NNT: variants seen among roughly 807,000 people sequenced by gnomAD.
The protein encoded by NNT is NAD(P) transhydrogenase, mitochondrial.
NNT carries 50 observed loss-of-function variants against 104.8 expected under a neutral mutation model. The observed-to-expected ratio is 0.48, with a 90% CI of 0.38 to 0.60. NNT has a LOEUF of 0.60. Ranked by LOEUF, NNT falls within the 20% of genes least tolerant of loss-of-function variation. The pLI is 0.00. For synonymous variants in NNT, 461 were observed against 490.4 expected (o/e 0.94, Z 0.79); for missense variants, 1,131 against 1,330.7 (o/e 0.85, Z 2.33).
intron 17 of NNT, among the ~76,000 whole-genome samples, chr5:43,663,137 A>T (rs752356236): frequency 3.9e-5 from 6 of 152,136 alleles, no homozygotes; most frequent in Admixed American, 1.3e-4. Flanking sequence ...TTTAGCTCCT[A>T]GTATTATAGC....
intron 10 of NNT, among the ~76,000 whole-genome samples, 159 bp from the exon 11 acceptor site, chr5:43,648,988 C>T (rs1023595379): frequency 3.3e-5 from 5 of 152,118 alleles, no homozygotes; most frequent in Non-Finnish European, 5.9e-5. Flanking sequence ...CTCCATCCCC[C>T]CACTTCTCAA....
chr5:43,693,044 T>C (rs1042263463), intron 19 of NNT, among the ~76,000 whole-genome samples: 1 of 151,406 alleles, frequency 6.6e-6, no homozygotes, highest in Non-Finnish European at 1.5e-5. Context: ...CTTTATTTAT[T>C]TTTTTTTTCT....
intron 7 of NNT, among the ~76,000 whole-genome samples, chr5:43,630,155 G>C (rs1045314481): frequency 3.9e-5 from 6 of 152,118 alleles, no homozygotes; most frequent in Non-Finnish European, 7.4e-5. Context: ...TTTGTATAAG[G>C]TGAGGGGTGA....
At chr5:43,641,429 A>G (rs1751231578) in intron 7 of NNT, among the ~76,000 whole-genome samples, 2 of 152,208 alleles carry the variant, frequency 1.3e-5, no homozygotes, top group Middle Eastern at 3.4e-3. Flanking sequence ...AAAACGTTTA[A>G]TTTTAAAATT....
intron 6 of NNT, among the ~76,000 whole-genome samples, chr5:43,627,271 A>C (rs1750421494): frequency 6.6e-6 from 1 of 152,144 alleles, no homozygotes; most frequent in Admixed American, 6.5e-5. Flanking sequence ...TGTATGTCCT[A>C]CCCTTTATGC....
chr5:43,624,633 C>T (rs768035214), intron 6 of NNT, among the ~76,000 whole-genome samples: 3 of 152,074 alleles, frequency 2.0e-5, no homozygotes, highest in Admixed American at 6.6e-5. Flanking sequence ...AATTTTTGAG[C>T]CCCTGGGTGA....
At chr5:43,610,477 AT>A (rs1228150426) in intron 2 of NNT, among the ~76,000 whole-genome samples, 6 of 152,176 alleles carry the variant, frequency 3.9e-5, no homozygotes, top group Non-Finnish European at 8.8e-5. Context: ...CCAGCTAAAA[AT>A]GGCATTTTCT....
chr5:43,647,504 G>A (rs186302444), intron 10 of NNT, among the ~76,000 whole-genome samples: 1 of 152,106 alleles, frequency 6.6e-6, no homozygotes, highest in African/African-American at 2.4e-5. Flanking sequence ...TCTTTATCTT[G>A]AACTCCCTCT....
chr5:43,650,749 T>A (rs1037876015), intron 12 of NNT, among the ~76,000 whole-genome samples, 162 bp downstream of exon 12: 3 of 152,228 alleles, frequency 2.0e-5, no homozygotes, highest in African/African-American at 7.2e-5. Flanking sequence ...CATCTGTAAT[T>A]TTTAGAAACT....
At chr5:43,666,290 C>A (rs1049147896) in intron 17 of NNT, among the ~76,000 whole-genome samples, 7 of 151,998 alleles carry the variant, frequency 4.6e-5, no homozygotes, top group African/African-American at 1.7e-4. Flanking sequence ...CACTGCACTC[C>A]AGCCTGGGCA....
At chr5:43,667,056 G>T in intron 17 of NNT, 5 of 1,596,276 alleles carry the variant, frequency 3.1e-6, no homozygotes, top group Non-Finnish European at 4.2e-6. Context: ...TGGCATTGTT[G>T]GCCTGCATCT....
chr5:43,616,162 T>C, intron 4 of NNT, 97 bp downstream of exon 4: 1 of 1,037,168 alleles, frequency 9.6e-7, no homozygotes, highest in Non-Finnish European at 1.4e-6. Flanking sequence ...TTATTTGTAA[T>C]TATTGTTGGA....
intron 20 of NNT, 126 bp from the exon 21 acceptor site, chr5:43,702,495 G>C (rs1561336132): frequency 1.7e-6 from 1 of 581,652 alleles, no homozygotes; most frequent in Non-Finnish European, 2.8e-6. Context: ...AAAGTGCCTG[G>C]CACAAGTGCG....
chr5:43,602,842 G>A (rs1209444962), upstream of NNT: 1 of 152,424 alleles, frequency 6.6e-6, no homozygotes, highest in East Asian at 1.9e-4. Flanking sequence ...TCTTCAAGGG[G>A]AGAAGCAAAT....
Position 43,683,124 on chromosome 5 carries a change from G to T in NNT, c.2876+5318G>T, listed in dbSNP as rs16873464. Reference sequence around the variant, plus strand: ...GTGTTTCTTTGCACTTTGCATTGGGGCTGCCTTCTCGAAAAACATGGTGGC... The same window carrying T: ...GTGTTTCTTTGCACTTTGCATTGGGTCTGCCTTCTCGAAAAACATGGTGGC... On this transcript the variant is annotated intron_variant, in intron 19 of 21. Transcript: ENST00000344920. Among the ~76,000 whole-genome samples the T allele has an allele frequency of 3.5e-3, 535 of 152,348 alleles. 2 individuals carry two copies. The highest frequency in any genetic ancestry group is 0.013 in the African/African-American group (524 of 41,578).
intron 6 of NNT, among the ~76,000 whole-genome samples, chr5:43,626,879 A>G (rs1750397590): frequency 6.6e-6 from 1 of 151,624 alleles, no homozygotes; most frequent in African/African-American, 2.4e-5. Flanking sequence ...GTATATATAT[A>G]ACATATAAAT....
intron 7 of NNT, among the ~76,000 whole-genome samples, chr5:43,634,148 G>A (rs1750819824): frequency 6.6e-6 from 1 of 152,164 alleles, no homozygotes; most frequent in African/African-American, 2.4e-5. Flanking sequence ...CAAAGGATGT[G>A]GACTTCTGTG....
At chr5:43,634,877 T>G (rs1226030033) in intron 7 of NNT, among the ~76,000 whole-genome samples, 2 of 152,206 alleles carry the variant, frequency 1.3e-5, no homozygotes, top group Non-Finnish European at 2.9e-5. Flanking sequence ...TTAACAAATG[T>G]TCTGTTAGGA....
At chr5:43,683,955 C>G (rs764971470) in intron 19 of NNT, among the ~76,000 whole-genome samples, 1 of 152,138 alleles carries the variant, frequency 6.6e-6, no homozygotes, top group Non-Finnish European at 1.5e-5. Flanking sequence ...TATAATTACT[C>G]TCCTCAGGAT....
Sources: allele counts gnomAD v4.1 joint callset (sites outside exome capture counted in the v4.1 genomes callset), GRCh38; gene constraint gnomAD v4.1.1; transcripts MANE v1.5; gene names NCBI Gene and HGNC (gene_info 2026-07-23, HGNC 2026-07-21).